The following AGMO variants were observed in gnomAD, a reference collection of about 807,000 sequenced individuals.
AGMO encodes the protein alkylglycerol monooxygenase, also known as glyceryl-ether monooxygenase.
AGMO carries 75 observed loss-of-function variants against 60.2 expected under a neutral mutation model. The observed-to-expected ratio is 1.25, with a 90% CI of 1.03 to 1.51. AGMO has a LOEUF of 1.51. AGMO is among the 40% of genes most tolerant of loss of function. AGMO has a pLI of 0.00. For missense variants in AGMO, 763 were observed against 525.5 expected, an observed-to-expected ratio of 1.45 and a Z score of -4.42; for synonymous variants, 261 against 177.1, an observed-to-expected ratio of 1.47 and a Z score of -3.76.
chr7:15,556,845 T>C (rs1051844908), intron 2 of AGMO, among the ~76,000 whole-genome samples: 3 of 152,048 alleles, frequency 2.0e-5, no homozygotes, highest in Non-Finnish European at 2.9e-5. Flanking sequence ...TACATAGACA[T>C]ATATTTTTAT....
chr7:15,357,593 C>G (rs1782587614), intron 12 of AGMO, among the ~76,000 whole-genome samples: 2 of 152,172 alleles, frequency 1.3e-5, no homozygotes, highest in South Asian at 2.1e-4. Flanking sequence ...TATAGAGTCT[C>G]TGAGCCTAGG....
intron 12 of AGMO, among the ~76,000 whole-genome samples, chr7:15,313,819 T>C (rs770477311): frequency 5.9e-5 from 9 of 152,018 alleles, no homozygotes; most frequent in African/African-American, 9.7e-5. Flanking sequence ...TAACTAATAA[T>C]AACATAGTAC....
intron 12 of AGMO, among the ~76,000 whole-genome samples, chr7:15,206,821 CAG>C (rs1294246099): frequency 1.3e-5 from 2 of 152,082 alleles, no homozygotes; most frequent in African/African-American, 2.4e-5. Flanking sequence ...CACATTAAAA[CAG>C]AGTTTTCACT....
Position 15,390,735 on chromosome 7 carries a change from T to G in AGMO, c.758A>C (p.Glu253Ala). ...WDKIFGTFEA[E>A]NEKVVYGLTH... The stretch of plus-strand genomic sequence containing the variant: ...TAAGCCATATACAACTTTTTCATTT[T>G]CTGCTTCAAATGTCCCTGGAAGATA... The change falls in exon 8 of 13, where the codon GAA becomes GCA. Residue 253 changes from glutamate to alanine, a missense_variant. Physicochemically the swap from Glu to Ala is moderately radical, Grantham distance 107 (BLOSUM62 -1). Coordinates refer to ENST00000342526, the MANE Select transcript of AGMO (RefSeq NM_001004320.2). 1 of 1,611,032 alleles carries G rather than the reference T, an allele frequency of 6.2e-7. No individual in the cohort carries two copies.
intron 3 of AGMO, among the ~76,000 whole-genome samples, chr7:15,512,012 CAA>C (rs10716312): frequency 2.1e-5 from 3 of 140,776 alleles, no homozygotes; most frequent in African/African-American, 2.6e-5. Context: ...AGAATACACA[CAA>C]AAAAAAAAAA....
intron 10 of AGMO, among the ~76,000 whole-genome samples, chr7:15,375,185 A>G (rs553654253): frequency 2.0e-5 from 3 of 152,172 alleles, no homozygotes; most frequent in South Asian, 2.1e-4. Flanking sequence ...CCATAAAACT[A>G]TTTTGTGGGA....
At chr7:15,467,156 T>C (rs1224926063) in intron 3 of AGMO, among the ~76,000 whole-genome samples, 1 of 152,148 alleles carries the variant, frequency 6.6e-6, no homozygotes, top group Non-Finnish European at 1.5e-5. Flanking sequence ...GGGGATTTTA[T>C]ATGGAAAACG....
intron 3 of AGMO, among the ~76,000 whole-genome samples, chr7:15,507,046 T>A (rs931645758): frequency 2.0e-5 from 3 of 151,930 alleles, no homozygotes; most frequent in South Asian, 2.1e-4. Context: ...CTTTATTTTT[T>A]AAAAAAGAAA....
At chr7:15,397,817 T>C (rs900115226) in intron 5 of AGMO, among the ~76,000 whole-genome samples, 1 of 152,230 alleles carries the variant, frequency 6.6e-6, no homozygotes, top group African/African-American at 2.4e-5. Flanking sequence ...ATATAGCTCT[T>C]ATAAAAGAAT....
intron 3 of AGMO, among the ~76,000 whole-genome samples, chr7:15,439,287 C>T (rs1225319962): frequency 6.6e-6 from 1 of 152,128 alleles, no homozygotes; most frequent in Non-Finnish European, 1.5e-5. Context: ...GTCCCAGCTA[C>T]TAGGGAGGCT....
intron 12 of AGMO, among the ~76,000 whole-genome samples, chr7:15,327,736 CT>C (rs1381683324): frequency 9.0e-6 from 1 of 111,248 alleles, no homozygotes; most frequent in Non-Finnish European, 1.7e-5. Context: ...AAACTGATTT[CT>C]TTCTTTTTTT....
At chr7:15,516,835 C>T (rs998727222) in intron 3 of AGMO, among the ~76,000 whole-genome samples, 1 of 151,614 alleles carries the variant, frequency 6.6e-6, no homozygotes, top group African/African-American at 2.4e-5. Flanking sequence ...AATAAGCAGT[C>T]TGAATTCCTT....
intron 3 of AGMO, among the ~76,000 whole-genome samples, chr7:15,486,558 T>G (rs2128519489): frequency 6.6e-6 from 1 of 152,230 alleles, no homozygotes; most frequent in South Asian, 2.1e-4. Flanking sequence ...AATTTAAATG[T>G]AAGCAAACTG....
At chr7:15,145,291 C>T in the AGMO span, among the ~76,000 whole-genome samples, 1 of 151,896 alleles carries the variant, frequency 6.6e-6, no homozygotes, top group Non-Finnish European at 1.5e-5. Flanking sequence ...TTCCTGAATG[C>T]CTGCAAAATG....
chr7:15,261,710 A>G (rs1783276807), intron 12 of AGMO, among the ~76,000 whole-genome samples: 1 of 151,968 alleles, frequency 6.6e-6, no homozygotes, highest in East Asian at 1.9e-4. Context: ...AAAGAAAACT[A>G]CAGACCAATA....
the AGMO span, among the ~76,000 whole-genome samples, chr7:15,135,009 A>G: frequency 1.3e-5 from 2 of 151,972 alleles, no homozygotes; most frequent in Non-Finnish European, 2.9e-5. Flanking sequence ...AAACTAAATT[A>G]CTATCCATCT....
intron 12 of AGMO, among the ~76,000 whole-genome samples, chr7:15,277,354 T>TAAA (rs200275928): frequency 8.6e-5 from 9 of 104,342 alleles, no homozygotes; most frequent in South Asian, 4.2e-4. Context: ...AATAAATAAA[T>TAAA]TATGTGTCAT....
chr7:15,441,460 T>G (rs1047399771), intron 3 of AGMO, among the ~76,000 whole-genome samples: 5 of 152,210 alleles, frequency 3.3e-5, no homozygotes, highest in Non-Finnish European at 7.3e-5. Context: ...GATTTTATCA[T>G]GCTTAAATAC....
Position 15,335,248 on chromosome 7 carries a change from T to C in AGMO, c.1263+30266A>G, listed in dbSNP as rs994388517. On this transcript the variant is annotated intron_variant, in intron 12 of 12. Transcript: ENST00000342526. The stretch of plus-strand genomic sequence containing the variant: ...GAGCTGGATGTGGAATTCATGCATT[T>C]AGCTATTGTTAATGAATAGGAAGTT... Among the ~76,000 whole-genome samples the C allele has an allele frequency of 5.9e-5, 9 of 152,222 alleles. No individual in the cohort carries two copies. In the South Asian group the frequency reaches 6.2e-4, roughly 11 times the overall value.
Sources: allele counts gnomAD v4.1 joint callset (sites outside exome capture counted in the v4.1 genomes callset), GRCh38; gene constraint gnomAD v4.1.1; transcripts MANE v1.5; gene names NCBI Gene and HGNC (gene_info 2026-07-23, HGNC 2026-07-21).